The following SNX29 variants were observed in gnomAD, a reference collection of about 807,000 sequenced individuals.
SNX29 encodes sorting nexin-29.
Under a neutral mutation model 102.1 loss-of-function variants are expected in SNX29, and 78 were observed. The ratio of observed to expected loss-of-function variants is 0.76; its 90% CI spans 0.64 to 0.92. The LOEUF is 0.92. SNX29 is among the 40% of genes least tolerant of loss of function. The pLI, the probability that SNX29 is intolerant of heterozygous loss-of-function variation, is 0.00. For synonymous variants in SNX29, 580 were observed against 414.5 expected, an observed-to-expected ratio of 1.40 and a Z score of -4.85; for missense variants, 1,280 against 1,061.7, an observed-to-expected ratio of 1.21 and a Z score of -2.86.
chr16:12,487,228 C>G (rs182817030), intron 19 of SNX29, among the ~76,000 whole-genome samples: 1 of 152,092 alleles, frequency 6.6e-6, no homozygotes, highest in African/African-American at 2.4e-5. Flanking sequence ...TGAAGTGGGG[C>G]GAGCAGACAC....
chr16:12,069,475 C>T (rs983558343), intron 10 of SNX29, among the ~76,000 whole-genome samples: 1 of 152,108 alleles, frequency 6.6e-6, no homozygotes, highest in Admixed American at 6.6e-5. Flanking sequence ...ACCACGTTGG[C>T]CAGGCTGGTC....
intron 13 of SNX29, among the ~76,000 whole-genome samples, chr16:12,134,892 C>T (rs958649662): frequency 7.2e-5 from 11 of 152,174 alleles, no homozygotes; most frequent in Non-Finnish European, 1.3e-4. Flanking sequence ...GGTATTGGCT[C>T]ATATAATTAT....
chr16:12,562,478 G>C (rs74690516), intron 20 of SNX29, among the ~76,000 whole-genome samples: 2 of 152,150 alleles, frequency 1.3e-5, no homozygotes, highest in African/African-American at 4.8e-5. Context: ...CTAGGAACTC[G>C]AGTCCTAGAA....
chr16:12,440,277 G>C (rs1175733834), intron 18 of SNX29, among the ~76,000 whole-genome samples: 1 of 152,082 alleles, frequency 6.6e-6, no homozygotes, highest in Non-Finnish European at 1.5e-5. Context: ...GTACGATTCA[G>C]TCACTTTTTA....
intron 18 of SNX29, among the ~76,000 whole-genome samples, chr16:12,419,417 C>T (rs2084779491): frequency 6.6e-6 from 1 of 152,156 alleles, no homozygotes; most frequent in East Asian, 1.9e-4. Flanking sequence ...GACACTCATT[C>T]CCCATTGACA....
chr16:12,340,146 T>A (rs181712920), intron 15 of SNX29, among the ~76,000 whole-genome samples: 35 of 152,362 alleles, frequency 2.3e-4, no homozygotes, highest in Non-Finnish European at 4.1e-4. Flanking sequence ...GTTTTCTTTT[T>A]CATCTTTGTT....
intron 15 of SNX29, among the ~76,000 whole-genome samples, chr16:12,332,059 C>CA (rs1176503214): frequency 6.6e-6 from 1 of 151,752 alleles, no homozygotes; most frequent in Non-Finnish European, 1.5e-5. Flanking sequence ...AACTCCATCT[C>CA]AAAAAAATAA....
chr16:12,156,507 G>A (rs2055556199), intron 13 of SNX29, among the ~76,000 whole-genome samples: 2 of 152,320 alleles, frequency 1.3e-5, no homozygotes, highest in South Asian at 4.1e-4. Flanking sequence ...AGGTTGCCTG[G>A]GTTTCCCTCC....
intron 14 of SNX29, among the ~76,000 whole-genome samples, chr16:12,219,920 GCACACACGTGTA>G (rs1256175188): frequency 2.0e-5 from 3 of 152,066 alleles, no homozygotes; most frequent in Non-Finnish European, 4.4e-5. Context: ...GCCCCCCAGC[GCACACACGTGTA>G]CACACACGTG....
intron 20 of SNX29, among the ~76,000 whole-genome samples, chr16:12,559,139 C>T (rs62028253): frequency 0.11 from 17,123 of 152,138 alleles, 1,177 homozygotes; most frequent in Non-Finnish European, 0.15. Context: ...CTCTTCTGGT[C>T]CCCAACCCCT....
chr16:12,365,480 A>G (rs1005994738), intron 16 of SNX29, among the ~76,000 whole-genome samples: 2 of 150,642 alleles, frequency 1.3e-5, no homozygotes, highest in African/African-American at 4.9e-5. Context: ...ACTTGAGGTC[A>G]GGAGTTCGAG....
At chr16:12,426,476 T>A (rs148184007) in intron 18 of SNX29, among the ~76,000 whole-genome samples, 2 of 152,284 alleles carry the variant, frequency 1.3e-5, no homozygotes, top group African/African-American at 4.8e-5. Context: ...GGAGGAGCCC[T>A]GCAGGAGGGT....
rs117970645 is a variant in SNX29 at position 12,508,375 on chromosome 16, A to G, written c.2179-16327A>G. Among the ~76,000 whole-genome samples, 1,007 of 152,288 alleles carry G rather than the reference A, an allele frequency of 6.6e-3. 9 individuals are homozygous for G. The highest frequency in any genetic ancestry group is 0.012 in the Non-Finnish European group (795 of 68,012). ...ACCTCTCAGTAGCACAGCTCGATGA[A>G]CTGTAGCAGCGGGGCCGCAACAAGC... On this transcript the variant is annotated intron_variant, in intron 19 of 20. Coordinates refer to ENST00000566228, the MANE Select transcript of SNX29 (RefSeq NM_032167.5).
At chr16:12,333,106 AT>A (rs34047585) in intron 15 of SNX29, among the ~76,000 whole-genome samples, 90 of 135,764 alleles carry the variant, frequency 6.6e-4, no homozygotes, top group African/African-American at 2.3e-3. Flanking sequence ...CAATCAGTTA[AT>A]TTTTTTTTTT....
chr16:12,133,010 TG>T (rs568721809), intron 13 of SNX29, among the ~76,000 whole-genome samples: 15 of 152,210 alleles, frequency 9.9e-5, no homozygotes, highest in East Asian at 9.7e-4. Context: ...AGTTGTTGCC[TG>T]GGGGTGGGGA....
intron 14 of SNX29, among the ~76,000 whole-genome samples, chr16:12,258,908 G>T (rs774944441): frequency 6.6e-6 from 1 of 152,136 alleles, no homozygotes; most frequent in Non-Finnish European, 1.5e-5. Flanking sequence ...GTCTCTGTCG[G>T]AGGAGGACTT....
At chr16:12,327,211 AT>A (rs1393659316) in intron 15 of SNX29, among the ~76,000 whole-genome samples, 2 of 152,086 alleles carry the variant, frequency 1.3e-5, no homozygotes, top group Non-Finnish European at 2.9e-5. Flanking sequence ...TATCAGTGAA[AT>A]CGCAGCCCCC....
chr16:12,547,602 G>C lies in SNX29; in HGVS notation c.2319-20904G>C, dbSNP rs1024046768. On this transcript the variant is annotated intron_variant, in intron 20 of 20. Coordinates refer to ENST00000566228, the MANE Select transcript of SNX29 (RefSeq NM_032167.5). ...CGAGGATTAAATACACCCCCACGAA[G>C]TCAGCCTCAGCACCACTAAGCTGTC... Among the ~76,000 whole-genome samples the C allele has an allele frequency of 2.0e-5, 3 of 152,010 alleles. No individual in the cohort carries two copies. The South Asian group carries it at 6.2e-4, about 32-fold the overall frequency.
rs149118714 is a variant in SNX29 at position 12,042,893 on chromosome 16, G to T, written c.248-4G>T. The T allele has an allele frequency of 2.7e-3, 4,396 of 1,602,244 alleles. 84 individuals carry two copies. In the African/African-American group the frequency reaches 0.05, roughly 18 times the overall value. On this transcript the variant is annotated splice_region_variant and splice_polypyrimidine_tract_variant and intron_variant, in intron 4 of 20. Transcript: ENST00000566228. ...TGCCAGGCGCCTGTGCCCTCTCTCC[G>T]TAGAGCCCGTGTTCTGGTACTACGT... is the stretch of plus-strand genomic sequence containing the variant.
Sources: allele counts gnomAD v4.1 joint callset (sites outside exome capture counted in the v4.1 genomes callset), GRCh38; gene constraint gnomAD v4.1.1; transcripts MANE v1.5; gene names NCBI Gene and HGNC (gene_info 2026-07-23, HGNC 2026-07-21).